Variants in ADAMTS19 observed in about 807,000 individuals in gnomAD.
The protein encoded by ADAMTS19 is A disintegrin and metalloproteinase with thrombospondin motifs 19.
In ADAMTS19, 93 loss-of-function variants were observed where a neutral mutation model predicts 153.3. That is an observed-to-expected ratio of 0.61 (90% CI 0.51 to 0.72). ADAMTS19 has a LOEUF of 0.72. Ranked by LOEUF, ADAMTS19 falls within the 30% of genes least tolerant of loss-of-function variation. The probability of loss-of-function intolerance (pLI) is 0.00; values close to 1 mark genes in which losing one functional copy is unlikely to be tolerated. For synonymous variants in ADAMTS19, 600 were observed against 556.6 expected (o/e 1.08, Z -1.10); for missense variants, 1,482 against 1,552.1 (o/e 0.95, Z 0.76).
At chr5:129,683,032 C>A (rs1317737193) in intron 17 of ADAMTS19, among the ~76,000 whole-genome samples, 1 of 151,834 alleles carries the variant, frequency 6.6e-6, no homozygotes, top group African/African-American at 2.4e-5. Flanking sequence ...AAATAAAGTT[C>A]TTCAATAATT....
chr5:129,605,886 T>C (rs1369011334), intron 8 of ADAMTS19, among the ~76,000 whole-genome samples: 3 of 152,130 alleles, frequency 2.0e-5, no homozygotes, highest in African/African-American at 7.2e-5. Flanking sequence ...ATTATATGAG[T>C]TAGGGGAAAT....
Position 129,735,102 on chromosome 5 carries a change from C to T in ADAMTS19, c.3483C>T (p.Pro1161=). The T allele has an allele frequency of 6.3e-7, 1 of 1,582,264 alleles. No homozygotes were observed. The highest frequency in any genetic ancestry group is 8.6e-7 in the Non-Finnish European group (1 of 1,168,004). Reference sequence around the variant, plus strand: ...TTAATGTAAATACCATAACATCACCCAGACTGGGTAAGCAGACAAAAAAAA... The same window carrying T: ...TTAATGTAAATACCATAACATCACCTAGACTGGGTAAGCAGACAAAAAAAA... ...EKINVNTITS[P]RLAALTFKCL... is the part of the protein sequence containing the mutation. Residue 1161 remains proline (P), a synonymous_variant, in exon 22 of 23, where the codon CCC becomes CCT. Coordinates refer to ENST00000274487, the MANE Select transcript of ADAMTS19 (RefSeq NM_133638.6).
At chr5:129,661,342 A>G (rs193053258) in intron 15 of ADAMTS19, among the ~76,000 whole-genome samples, 3 of 152,214 alleles carry the variant, frequency 2.0e-5, no homozygotes, top group African/African-American at 7.2e-5. Flanking sequence ...TTAAATTTGT[A>G]TAAGTTTCAA....
At chr5:129,616,258 G>A (rs972679636) in intron 8 of ADAMTS19, among the ~76,000 whole-genome samples, 1 of 151,902 alleles carries the variant, frequency 6.6e-6, no homozygotes, top group Non-Finnish European at 1.5e-5. Flanking sequence ...TAAGAAATAT[G>A]TAATTAAATG....
At chr5:129,732,488 A>C (rs949604512) in intron 21 of ADAMTS19, among the ~76,000 whole-genome samples, 2 of 152,136 alleles carry the variant, frequency 1.3e-5, no homozygotes, top group African/African-American at 4.8e-5. Flanking sequence ...TCAGGATACA[A>C]AATCAATGTA....
At chr5:129,671,683 C>T (rs1319387808) in intron 16 of ADAMTS19, among the ~76,000 whole-genome samples, 4 of 151,254 alleles carry the variant, frequency 2.6e-5, no homozygotes, top group Non-Finnish European at 5.9e-5. Flanking sequence ...AAACTGTATT[C>T]TTAATTGCAA....
In ADAMTS19 at chr5:129,658,309, AAAAGAAAGAAAGAAAGAAAGAAAG is replaced by A. The variant is rs150048700; in HGVS notation, c.2305-270_2305-247del. Among the ~76,000 whole-genome samples the A allele has an allele frequency of 3.3e-3, 378 of 113,680 alleles. 9 individuals are homozygous for A. Among genetic ancestry groups the A allele is most frequent in the Admixed American group, 6.5e-3 (68 of 10,472 alleles). 74.6% of individuals were successfully genotyped at this position (113,680 alleles called of 152,430 possible). A position where few individuals can be genotyped will look rare whatever the true frequency, so the allele number is the denominator to read the frequency against. On this transcript the variant is annotated intron_variant, in intron 14 of 22. Transcript: ENST00000274487. ...TGAAAGAAAAAGAAAGAAAGAAAGA[AAAAGAAAGAAAGAAAGAAAGAAAG>A]AAAGAAAGAAAGAAAGAAAGAAAGA...
chr5:129,695,998 G>T (rs1755534806), intron 19 of ADAMTS19, among the ~76,000 whole-genome samples: 1 of 152,152 alleles, frequency 6.6e-6, no homozygotes, highest in Non-Finnish European at 1.5e-5. Context: ...GTAGGTATGG[G>T]GGAGGGAAGA....
intron 2 of ADAMTS19, among the ~76,000 whole-genome samples, chr5:129,508,611 A>G (rs1751337414): frequency 1.3e-5 from 2 of 152,040 alleles, no homozygotes; most frequent in Admixed American, 1.3e-4. Context: ...GATATTTTAT[A>G]TATTAATTTG....
At chr5:129,656,459 A>G (rs932627209) in intron 14 of ADAMTS19, among the ~76,000 whole-genome samples, 13 of 152,232 alleles carry the variant, frequency 8.5e-5, no homozygotes, top group African/African-American at 3.1e-4. Flanking sequence ...AATTGAAAGC[A>G]GACAACTTTC....
rs113085409 is a variant in ADAMTS19 at position 129,720,333 on chromosome 5, G to A, written c.3313-14599G>A. 6.6e-3 allele frequency among the ~76,000 whole-genome samples: 997 copies of A among 151,270 alleles called. 7 individuals are homozygous for A. Among genetic ancestry groups the A allele is most frequent in the African/African-American group, 0.022 (914 of 41,230 alleles). On this transcript the variant is annotated intron_variant, in intron 21 of 22. Transcript: ENST00000274487. ...ATTAAAGGTGTCCGCCACCACGCCC[G>A]GCTGATTTTTCTATTTTAGTAGAAA...
chr5:129,615,921 T>G (rs1751500106), intron 8 of ADAMTS19, among the ~76,000 whole-genome samples: 1 of 151,974 alleles, frequency 6.6e-6, no homozygotes, highest in African/African-American at 2.4e-5. Flanking sequence ...ACTTATCTTT[T>G]TGACTACAGT....
intron 16 of ADAMTS19, among the ~76,000 whole-genome samples, chr5:129,676,332 C>A (rs1754551149): frequency 6.6e-6 from 1 of 152,144 alleles, no homozygotes; most frequent in African/African-American, 2.4e-5. Context: ...CAGTATGCAA[C>A]TAAAGTAACC....
At chr5:129,642,100 A>G (rs979057340) in intron 11 of ADAMTS19, 140 bp downstream of exon 11, 6 of 427,498 alleles carry the variant, frequency 1.4e-5, no homozygotes, top group Admixed American at 8.6e-5. Flanking sequence ...TTAGTATTTC[A>G]TCAGTTTTAA....
intron 8 of ADAMTS19, among the ~76,000 whole-genome samples, chr5:129,600,058 T>C (rs1201763992): frequency 1.3e-5 from 2 of 152,174 alleles, no homozygotes; most frequent in African/African-American, 2.4e-5. Context: ...TCATCATCAT[T>C]ATCATCCACT....
chr5:129,585,229 A>G (rs1360382177), intron 7 of ADAMTS19, among the ~76,000 whole-genome samples: 1 of 151,320 alleles, frequency 6.6e-6, no homozygotes, highest in African/African-American at 2.4e-5. Context: ...GGCTGCACCC[A>G]CTGTCTAACC....
intron 16 of ADAMTS19, among the ~76,000 whole-genome samples, chr5:129,666,221 A>C (rs1754049349): frequency 6.6e-6 from 1 of 152,058 alleles, no homozygotes; most frequent in African/African-American, 2.4e-5. Flanking sequence ...ATATGAAAAA[A>C]ATACTAAATT....
chr5:129,642,475 T>G (rs903636952), intron 11 of ADAMTS19, among the ~76,000 whole-genome samples: 1 of 152,184 alleles, frequency 6.6e-6, no homozygotes, highest in East Asian at 1.9e-4. Flanking sequence ...CTTTAAAAAT[T>G]TGTTAGTATA....
chr5:129,529,642 C>T (rs904872592), intron 6 of ADAMTS19, among the ~76,000 whole-genome samples: 2 of 152,050 alleles, frequency 1.3e-5, no homozygotes, highest in Non-Finnish European at 2.9e-5. Flanking sequence ...CAGCTTTTTC[C>T]TTGGGAAAAA....
Sources: gnomAD v4.1 joint callset for allele counts (sites outside exome capture counted in the v4.1 genomes callset) on GRCh38, gnomAD v4.1.1 for gene constraint, MANE v1.5 for transcripts, NCBI Gene and HGNC (gene_info 2026-07-23, HGNC 2026-07-21) for gene names.